The following CMIP variants were observed in gnomAD, a reference collection of about 807,000 sequenced individuals.
CMIP encodes C-Maf-inducing protein.
CMIP carries 13 observed loss-of-function variants against 97.3 expected under a neutral mutation model. The ratio of observed to expected loss-of-function variants is 0.13; its 90% confidence interval spans 0.09 to 0.21. CMIP has a LOEUF of 0.21. CMIP is among the 10% of genes least tolerant of loss of function. The probability of loss-of-function intolerance (pLI) is 1.00; values close to 1 mark genes in which losing one functional copy is unlikely to be tolerated. For synonymous variants in CMIP, 538 were observed against 436.3 expected (o/e 1.23, Z -2.91); for missense variants, 847 against 1,024.9 (o/e 0.83, Z 2.37).
chr16:81,547,762 G>A lies in CMIP; in HGVS notation c.301-59805G>A, dbSNP rs375746314. 3.3e-5 allele frequency among the ~76,000 whole-genome samples: 5 copies of A among 152,156 alleles called. No homozygotes were observed. In the East Asian group the frequency reaches 5.8e-4, roughly 18 times the overall value. On this transcript the variant is annotated intron_variant, in intron 1 of 20. Transcript: ENST00000537098. The stretch of plus-strand genomic sequence containing the variant: ...GGGAAGTGCAAGATGAAGAAGAATT[G>A]GAGAGGCTGGCTCACAGTTGTGGGG...
chr16:81,671,791 C>T (rs529315724), intron 8 of CMIP, among the ~76,000 whole-genome samples, 175 bp from the exon 9 acceptor site: 6 of 152,356 alleles, frequency 3.9e-5, no homozygotes, highest in East Asian at 1.9e-4. Flanking sequence ...GTGGCACAGC[C>T]GGGGCCCAAA....
chr16:81,634,969 C>A (rs574607990), intron 3 of CMIP, among the ~76,000 whole-genome samples: 8 of 152,300 alleles, frequency 5.3e-5, no homozygotes, highest in Non-Finnish European at 7.3e-5. Context: ...AGAGAGAGTT[C>A]CCTTTATCAG....
chr16:81,658,225 C>T (rs1178613241), intron 5 of CMIP, among the ~76,000 whole-genome samples: 1 of 152,190 alleles, frequency 6.6e-6, no homozygotes, highest in African/African-American at 2.4e-5. Context: ...GATTTAATTC[C>T]CTGTGATACA....
rs1318006300 is a variant in CMIP, at chr16:81,621,079, G to A, written c.477+153G>A. 1.2e-6 allele frequency: 1 copy of A among 816,912 alleles called. No individual in the cohort carries two copies. The highest frequency in any genetic ancestry group is 1.7e-5 in the African/African-American group (1 of 58,254). The allele number at this position is 816,912 out of a possible 1,614,324, so 50.6% of individuals were successfully genotyped here. A position where few individuals can be genotyped will look rare whatever the true frequency, so the allele number is the denominator to read the frequency against. On this transcript the variant is annotated intron_variant, in intron 3 of 20. Coordinates refer to ENST00000537098, the MANE Select transcript of CMIP (RefSeq NM_198390.3). The surrounding 1 kb of genome is among the most constrained non-coding windows in gnomAD (Gnocchi z 4.1). ...TTGTTCCCCTACCTAAGAGCCCCTG[G>A]CCCTTCGTCCTCTGCTGTTCAATTC... is the stretch of plus-strand genomic sequence containing the variant.
At chr16:81,486,809 G>A (rs970429230) in intron 1 of CMIP, among the ~76,000 whole-genome samples, 8 of 152,256 alleles carry the variant, frequency 5.3e-5, no homozygotes, top group African/African-American at 7.2e-5. Context: ...CCCAACAGCC[G>A]CCAAGTCTGG....
At chr16:81,670,064 C>T in intron 7 of CMIP, 78 bp from the exon 8 acceptor site, 1 of 1,403,934 alleles carries the variant, frequency 7.1e-7, no homozygotes, top group South Asian at 1.3e-5. Context: ...TCCCGCCCTT[C>T]TTTCTGGTGT....
chr16:81,620,959 A>G, intron 3 of CMIP, 33 bp downstream of exon 3: 1 of 1,612,514 alleles, frequency 6.2e-7, no homozygotes, highest in Non-Finnish European at 8.5e-7. Context: ...GTTTAAAGCG[A>G]CTCAGGCAGT....
At chr16:81,622,361 C>T (rs941607722) in intron 3 of CMIP, among the ~76,000 whole-genome samples, 5 of 152,164 alleles carry the variant, frequency 3.3e-5, no homozygotes, top group African/African-American at 1.2e-4. Flanking sequence ...GCTCTGTATC[C>T]ACTGGGAGAA....
intron 6 of CMIP, among the ~76,000 whole-genome samples, chr16:81,662,003 G>A (rs935671740): frequency 5.3e-5 from 8 of 152,168 alleles, no homozygotes; most frequent in Non-Finnish European, 5.9e-5. Context: ...GTGAGTGTGT[G>A]TGTGTGTATA....
At chr16:81,474,406 CCCTT>C (rs768665904) in intron 1 of CMIP, among the ~76,000 whole-genome samples, 25 of 152,152 alleles carry the variant, frequency 1.6e-4, no homozygotes, top group Non-Finnish European at 3.4e-4. Flanking sequence ...TTCCTTCACT[CCCTT>C]CCTCCCATTC....
At position 81,620,662 on chromosome 16, in the gene CMIP, G is replaced by T. The variant is rs1433814369; in HGVS notation, c.427-214G>T. The T allele has an allele frequency of 1.3e-5, 7 of 555,534 alleles. No homozygotes were observed. The African/African-American group carries it at 1.3e-4, about 11-fold the overall frequency. The allele number at this position is 555,534 out of a possible 1,614,324, so 34.4% of individuals were successfully genotyped here. The stretch of plus-strand genomic sequence containing the variant: ...AAAGGAAGCACACGGTGCTAGTGAT[G>T]TCTTGTTTTTAGGAAATCCTCCCTG... On this transcript the variant is annotated intron_variant, in intron 2 of 20. Coordinates refer to ENST00000537098, the MANE Select transcript of CMIP (RefSeq NM_198390.3).
At chr16:81,707,123 C>A in intron 20 of CMIP, 39 bp downstream of exon 20, 1 of 1,567,886 alleles carries the variant, frequency 6.4e-7, no homozygotes, top group Non-Finnish European at 8.8e-7. Flanking sequence ...TCCCCTCCTT[C>A]TTCTAGCCAG....
chr16:81,549,800 G>A (rs1051599549), intron 1 of CMIP, among the ~76,000 whole-genome samples: 22 of 152,320 alleles, frequency 1.4e-4, no homozygotes, highest in African/African-American at 5.1e-4. Flanking sequence ...AGGCAACTGC[G>A]CGTTCTCTTC....
intron 1 of CMIP, among the ~76,000 whole-genome samples, chr16:81,469,417 T>A (rs1265652255): frequency 2.0e-5 from 3 of 152,256 alleles, no homozygotes; most frequent in African/African-American, 7.2e-5. Flanking sequence ...TCCATGGGCT[T>A]CTGTGAAGGA....
At chr16:81,460,745 G>A (rs914016778) in intron 1 of CMIP, among the ~76,000 whole-genome samples, 3 of 152,094 alleles carry the variant, frequency 2.0e-5, no homozygotes, top group Non-Finnish European at 2.9e-5. Flanking sequence ...GCAACCAAAT[G>A]GGCATCATGC....
intron 1 of CMIP, among the ~76,000 whole-genome samples, chr16:81,552,356 G>T (rs552218588): frequency 6.6e-6 from 1 of 152,288 alleles, no homozygotes; most frequent in South Asian, 2.1e-4. Context: ...AAACCCAGTG[G>T]CTGAAAACCA....
At chr16:81,525,977 CGTGTGTGTGTGTGT>C (rs57103908) in intron 1 of CMIP, among the ~76,000 whole-genome samples, 11 of 150,064 alleles carry the variant, frequency 7.3e-5, no homozygotes, top group South Asian at 6.4e-4. Context: ...ACTAATAATA[CGTGTGTGTGTGTGT>C]GTGTGTGTGT....
intron 19 of CMIP, among the ~76,000 whole-genome samples, chr16:81,706,378 G>A (rs1008790886): frequency 1.3e-5 from 2 of 152,256 alleles, no homozygotes. Flanking sequence ...GCTGGCAAAT[G>A]CTGGGTGGCT....
rs527516328 is a variant in CMIP at position 81,604,422 on chromosome 16, G to C, written c.301-3145G>C. Among the ~76,000 whole-genome samples the C allele has an allele frequency of 6.9e-5, 10 of 145,336 alleles. No homozygotes were observed. The South Asian group carries it at 2.2e-3, about 32-fold the overall frequency. ...AAAAAAAAAAAAAAAAAAAAGGACC[G>C]GCTGCGGTGGCTTATGCCTGTAATC... On this transcript the variant is annotated intron_variant, in intron 1 of 20. Transcript: ENST00000537098.
Sources: gnomAD v4.1 joint callset for allele counts (sites outside exome capture counted in the v4.1 genomes callset) on GRCh38, gnomAD v4.1.1 for gene constraint, Gnocchi (gnomAD v3.1) non-coding constraint, MANE v1.5 for transcripts, NCBI Gene and HGNC (gene_info 2026-07-23, HGNC 2026-07-21) for gene names.